FGF14: variants seen among roughly 807,000 people sequenced by gnomAD.
The protein encoded by FGF14 is fibroblast growth factor 14.
FGF14 carries 5 observed loss-of-function variants against 25.5 expected under a neutral mutation model. That is an observed-to-expected ratio of 0.20 (90% CI 0.10 to 0.41). The LOEUF is 0.41. Ranked by LOEUF, FGF14 falls within the 10% of genes least tolerant of loss-of-function variation. The probability of loss-of-function intolerance (pLI) is 1.00; values close to 1 mark genes in which losing one functional copy is unlikely to be tolerated. For synonymous variants in FGF14, 138 were observed against 118.3 expected, an observed-to-expected ratio of 1.17 and a Z score of -1.08; for missense variants, 222 against 320.1, an observed-to-expected ratio of 0.69 and a Z score of 2.34.
At chr13:102,328,104 G>A (rs2056519975) in intron 1 of FGF14, among the ~76,000 whole-genome samples, 1 of 151,942 alleles carries the variant, frequency 6.6e-6, no homozygotes, top group African/African-American at 2.4e-5. Flanking sequence ...GAGCACGAAT[G>A]GTCTTCTCCA....
chr13:102,154,295 C>T (rs9554844), intron 1 of FGF14, among the ~76,000 whole-genome samples: 46,468 of 150,808 alleles, frequency 0.31, 7,869 homozygotes, highest in African/African-American at 0.46. Context: ...AAAGGGAAGC[C>T]CATCAGACTA....
intron 1 of FGF14, among the ~76,000 whole-genome samples, chr13:102,106,273 C>T (rs1238858007): frequency 6.6e-6 from 1 of 152,078 alleles, no homozygotes; most frequent in African/African-American, 2.4e-5. Flanking sequence ...TTCACTCTTA[C>T]TAACTGAAAA....
At chr13:101,977,751 C>T (rs954330963) in intron 1 of FGF14, among the ~76,000 whole-genome samples, 25 of 152,060 alleles carry the variant, frequency 1.6e-4, no homozygotes, top group Non-Finnish European at 1.0e-4. Context: ...AAAAAATGTT[C>T]CCTGGTATCA....
intron 1 of FGF14, among the ~76,000 whole-genome samples, chr13:102,307,658 G>T (rs1249308461): frequency 3.3e-5 from 5 of 152,110 alleles, no homozygotes; most frequent in African/African-American, 1.2e-4. Context: ...ATATGTACAT[G>T]TATGTTAGGA....
intron 1 of FGF14, among the ~76,000 whole-genome samples, chr13:102,057,477 T>C (rs1278724079): frequency 1.3e-5 from 2 of 152,146 alleles, no homozygotes; most frequent in Non-Finnish European, 2.9e-5. Context: ...TTAATAATAA[T>C]ATTTTCTTAC....
At chr13:101,997,258 C>T (rs73571529) in intron 1 of FGF14, among the ~76,000 whole-genome samples, 5,518 of 151,304 alleles carry the variant, frequency 0.036, 329 homozygotes, top group African/African-American at 0.13. Flanking sequence ...GCTTCTAGAA[C>T]AGTGCCCACT....
At chr13:102,323,720 T>C (rs1308463190) in intron 1 of FGF14, among the ~76,000 whole-genome samples, 1 of 152,216 alleles carries the variant, frequency 6.6e-6, no homozygotes, top group African/African-American at 2.4e-5. Flanking sequence ...ATCAATATTC[T>C]ATCAATCATT....
chr13:102,013,231 A>G (rs1594987168), intron 1 of FGF14, among the ~76,000 whole-genome samples: 1 of 152,224 alleles, frequency 6.6e-6, no homozygotes, highest in East Asian at 1.9e-4. Context: ...AGCAAAGAAA[A>G]AGAAGGAAAT....
chr13:101,942,284 T>C (rs952763101), intron 1 of FGF14, among the ~76,000 whole-genome samples: 3 of 152,280 alleles, frequency 2.0e-5, no homozygotes, highest in East Asian at 1.9e-4. Context: ...AAAGCCTGTT[T>C]AGTGTCTCAG....
intron 1 of FGF14, among the ~76,000 whole-genome samples, chr13:102,307,055 A>C (rs766746265): frequency 3.3e-5 from 5 of 152,082 alleles, no homozygotes; most frequent in Non-Finnish European, 7.4e-5. Flanking sequence ...GGAGGCCTTA[A>C]AAGTGGAGAT....
intron 1 of FGF14, among the ~76,000 whole-genome samples, chr13:102,066,999 C>CAT (rs2042931275): frequency 6.6e-6 from 1 of 152,058 alleles, no homozygotes; most frequent in Admixed American, 6.5e-5. Flanking sequence ...CTTAGATTAC[C>CAT]GTCTCACCAT....
chr13:101,905,167 A>G (rs998100442), intron 1 of FGF14, among the ~76,000 whole-genome samples: 1 of 152,164 alleles, frequency 6.6e-6, no homozygotes, highest in Non-Finnish European at 1.5e-5. Flanking sequence ...GGTGGCCATC[A>G]TTTGTAACAT....
chr13:101,831,851 CAG>C (rs1409390542), intron 3 of FGF14, among the ~76,000 whole-genome samples: 1 of 151,972 alleles, frequency 6.6e-6, no homozygotes, highest in Admixed American at 6.6e-5. Context: ...TGCAGAGAAA[CAG>C]AGAGCATGTC....
intron 1 of FGF14, among the ~76,000 whole-genome samples, chr13:101,976,662 A>G (rs1015218618): frequency 2.0e-5 from 3 of 152,214 alleles, no homozygotes; most frequent in Non-Finnish European, 4.4e-5. Flanking sequence ...CAGATTGGAC[A>G]CTGTGCCATC....
At chr13:101,849,444 G>A (rs1433982171) in intron 3 of FGF14, among the ~76,000 whole-genome samples, 1 of 152,050 alleles carries the variant, frequency 6.6e-6, no homozygotes, top group Non-Finnish European at 1.5e-5. Flanking sequence ...TGCACAAAAA[G>A]TAGGAAGGTC....
intron 1 of FGF14, among the ~76,000 whole-genome samples, chr13:102,267,790 G>A (rs2053061882): frequency 6.6e-6 from 1 of 151,994 alleles, no homozygotes; most frequent in African/African-American, 2.4e-5. Flanking sequence ...AAATTTGGGG[G>A]TAAAAGAAAA....
intron 1 of FGF14, among the ~76,000 whole-genome samples, chr13:102,351,687 G>A (rs1191091153): frequency 6.6e-6 from 1 of 152,166 alleles, no homozygotes; most frequent in Non-Finnish European, 1.5e-5. Flanking sequence ...ATGGCATTTG[G>A]TCAGAGACCT....
At chr13:101,954,487 A>G (rs1009827986) in intron 1 of FGF14, among the ~76,000 whole-genome samples, 2 of 152,246 alleles carry the variant, frequency 1.3e-5, no homozygotes, top group Admixed American at 6.5e-5. Flanking sequence ...TTACTGCCCA[A>G]TGGTCAGTAT....
intron 1 of FGF14, among the ~76,000 whole-genome samples, chr13:102,142,601 G>T (rs16959819): frequency 0.022 from 3,395 of 152,196 alleles, 141 homozygotes; most frequent in African/African-American, 0.078. Flanking sequence ...CCAAAACAAA[G>T]TTCAAAGCTT....
Sources: allele counts gnomAD v4.1 joint callset (sites outside exome capture counted in the v4.1 genomes callset), GRCh38; gene constraint gnomAD v4.1.1; transcripts MANE v1.5; gene names NCBI Gene and HGNC (gene_info 2026-07-23, HGNC 2026-07-21).